The following CSTPP1 variants were observed in gnomAD, a reference collection of about 807,000 sequenced individuals.
CSTPP1 encodes UPF0705 protein C11orf49.
the CSTPP1 span, among the ~76,000 whole-genome samples, chr11:46,946,916 C>G: frequency 2.0e-5 from 3 of 152,226 alleles, no homozygotes; most frequent in Admixed American, 6.5e-5. Flanking sequence ...CTTTAAGTAA[C>G]AGAATAAATT....
the CSTPP1 span, among the ~76,000 whole-genome samples, chr11:46,994,857 G>A: frequency 2.0e-4 from 31 of 152,182 alleles, no homozygotes; most frequent in Non-Finnish European, 8.8e-5. Context: ...AATAGTACCA[G>A]CTCCTCTTTG....
the CSTPP1 span, among the ~76,000 whole-genome samples, chr11:47,104,320 A>T: frequency 2.6e-5 from 4 of 152,250 alleles, no homozygotes; most frequent in African/African-American, 9.6e-5. Context: ...TCAAAATCTA[A>T]CACATTGTCC....
At chr11:47,006,084 T>C in the CSTPP1 span, among the ~76,000 whole-genome samples, 4 of 152,196 alleles carry the variant, frequency 2.6e-5, no homozygotes, top group Admixed American at 2.0e-4. Context: ...TTTAAAAAAA[T>C]CTATATATGG....
At chr11:47,144,329 T>A in the CSTPP1 span, among the ~76,000 whole-genome samples, 1 of 151,950 alleles carries the variant, frequency 6.6e-6, no homozygotes, top group African/African-American at 2.4e-5. Context: ...GCTAGGATTA[T>A]AGATGCCCGC....
At chr11:47,031,715 TA>T in the CSTPP1 span, among the ~76,000 whole-genome samples, 7 of 147,622 alleles carry the variant, frequency 4.7e-5, no homozygotes, top group Non-Finnish European at 1.0e-4. Context: ...TTTTTTTTTT[TA>T]AAAGAGATCT....
At chr11:46,992,161 T>G in the CSTPP1 span, among the ~76,000 whole-genome samples, 148 of 152,296 alleles carry the variant, frequency 9.7e-4, no homozygotes, top group Non-Finnish European at 1.2e-3. Flanking sequence ...TTGAATACTA[T>G]CTACTCTTCT....
chr11:47,153,841 T>C, the CSTPP1 span, among the ~76,000 whole-genome samples: 2 of 152,328 alleles, frequency 1.3e-5, no homozygotes, highest in Non-Finnish European at 1.5e-5. Context: ...CAGTGAGCAA[T>C]CCTGGCTTTC....
At chr11:47,103,703 G>T in the CSTPP1 span, 2 of 124,442 alleles carry the variant, frequency 1.6e-5, no homozygotes, top group South Asian at 2.7e-4. Flanking sequence ...TTGAGACAGG[G>T]TCTCACTCTT....
the CSTPP1 span, among the ~76,000 whole-genome samples, chr11:47,042,148 G>T: frequency 4.2e-5 from 3 of 71,934 alleles, 1 homozygote; most frequent in Admixed American, 1.9e-4. Flanking sequence ...GCTACAGTGA[G>T]CTATGATTGC....
the CSTPP1 span, among the ~76,000 whole-genome samples, chr11:46,982,249 TG>T: frequency 6.6e-6 from 1 of 152,190 alleles, no homozygotes; most frequent in Admixed American, 6.5e-5. Flanking sequence ...GAAAACTCTA[TG>T]TATTTATCAA....
chr11:46,962,749 A>G, the CSTPP1 span, among the ~76,000 whole-genome samples: 2 of 152,174 alleles, frequency 1.3e-5, no homozygotes, highest in Non-Finnish European at 2.9e-5. Context: ...ATATAGAAAT[A>G]TAGTGCCAGC....
At chr11:47,134,214 G>C in the CSTPP1 span, among the ~76,000 whole-genome samples, 5,423 of 151,528 alleles carry the variant, frequency 0.036, 292 homozygotes, top group African/African-American at 0.12. Flanking sequence ...TTTTTTTGAG[G>C]GGGGAAGGAG....
chr11:47,081,344 T>C, the CSTPP1 span, among the ~76,000 whole-genome samples: 1 of 152,216 alleles, frequency 6.6e-6, no homozygotes, highest in African/African-American at 2.4e-5. Flanking sequence ...GCCTCGTTAA[T>C]ATCTATAATA....
At chr11:47,059,606 C>T in the CSTPP1 span, among the ~76,000 whole-genome samples, 1 of 152,112 alleles carries the variant, frequency 6.6e-6, no homozygotes, top group African/African-American at 2.4e-5. Context: ...TAACATGAAA[C>T]AACATGGTTC....
the CSTPP1 span, among the ~76,000 whole-genome samples, chr11:47,064,098 AT>A: frequency 6.6e-6 from 1 of 152,300 alleles, no homozygotes; most frequent in Non-Finnish European, 1.5e-5. Flanking sequence ...GTCTTTTAAT[AT>A]GCTTATTAGC....
At chr11:47,052,807 A>G in the CSTPP1 span, 8 of 230,474 alleles carry the variant, frequency 3.5e-5, no homozygotes, top group Admixed American at 2.2e-4. Context: ...TAACTCATTT[A>G]TCTTTACAAG....
the CSTPP1 span, among the ~76,000 whole-genome samples, chr11:47,050,502 G>T: frequency 2.6e-5 from 4 of 152,258 alleles, no homozygotes; most frequent in Admixed American, 2.6e-4. Flanking sequence ...AATTGGGCAT[G>T]GGAGATAAAA....
chr11:47,089,039 T>C, the CSTPP1 span, among the ~76,000 whole-genome samples: 11 of 152,178 alleles, frequency 7.2e-5, no homozygotes, highest in African/African-American at 2.7e-4. Context: ...CAACTTGTCT[T>C]TCTGAGTGTC....
the CSTPP1 span, among the ~76,000 whole-genome samples, chr11:47,099,885 T>C: frequency 2.0e-5 from 3 of 152,244 alleles, no homozygotes; most frequent in South Asian, 6.2e-4. Context: ...TTCTCCTCAC[T>C]GCCCTTTCCA....
Sources: gnomAD v4.1 joint callset for allele counts (sites outside exome capture counted in the v4.1 genomes callset) on GRCh38, gnomAD v4.1.1 for gene constraint, MANE v1.5 for transcripts, NCBI Gene and HGNC (gene_info 2026-07-23, HGNC 2026-07-21) for gene names.